Variants in TNFRSF9 observed in about 807,000 individuals in gnomAD.
TNFRSF9 encodes TNF receptor superfamily member 9, also known as tumor necrosis factor receptor superfamily member 9.
A neutral mutation model predicts 28.8 loss-of-function variants in TNFRSF9; 16 were observed. That is an observed-to-expected ratio of 0.55 (90% CI 0.38 to 0.84). TNFRSF9 has a LOEUF of 0.84. TNFRSF9 is among the 40% of genes least tolerant of loss of function. The probability of loss-of-function intolerance (pLI) is 0.00; values close to 1 mark genes in which losing one functional copy is unlikely to be tolerated. For missense variants in TNFRSF9, 303 were observed against 315.0 expected, an observed-to-expected ratio of 0.96 and a Z score of 0.29; for synonymous variants, 131 against 117.0, an observed-to-expected ratio of 1.12 and a Z score of -0.77.
At chr1:7,926,102 T>C (rs1639647242) in intron 7 of TNFRSF9, among the ~76,000 whole-genome samples, 1 of 152,206 alleles carries the variant, frequency 6.6e-6, no homozygotes, top group African/African-American at 2.4e-5. Flanking sequence ...GGTTTCACCA[T>C]GTTGGCCAGG....
At chr1:7,932,471 T>C (rs950930687) in intron 7 of TNFRSF9, among the ~76,000 whole-genome samples, 1 of 152,236 alleles carries the variant, frequency 6.6e-6, no homozygotes, top group African/African-American at 2.4e-5. Flanking sequence ...AAATTCATTA[T>C]TGAAATTTTT....
intron 6 of TNFRSF9, among the ~76,000 whole-genome samples, chr1:7,933,597 A>G (rs1041689739): frequency 2.2e-4 from 33 of 152,056 alleles, no homozygotes; most frequent in Admixed American, 1.9e-3. Context: ...TGGCAGGATG[A>G]GGCAGGAGAA....
Position 7,932,077 on chromosome 1 carries a change from C to T in TNFRSF9, c.679+1085G>A, listed in dbSNP as rs9657992. Among the ~76,000 whole-genome samples the T allele has an allele frequency of 2.0e-3, 299 of 152,152 alleles. 2 individuals are homozygous for T. The highest frequency in any genetic ancestry group is 6.7e-3 in the African/African-American group (278 of 41,492). ...GCTTGAACCCGGAAGGAGGAGGTTG[C>T]GGTAAGCCGGGATCACGCCATTGCA... On this transcript the variant is annotated intron_variant, in intron 7 of 7. Transcript: ENST00000377507.
intron 2 of TNFRSF9, among the ~76,000 whole-genome samples, chr1:7,939,090 C>T (rs1391411590): frequency 1.3e-5 from 2 of 152,044 alleles, no homozygotes; most frequent in Non-Finnish European, 2.9e-5. Context: ...GAGGCCGAAG[C>T]GGGCAGATCA....
chr1:7,935,642 A>G (rs566398176), intron 5 of TNFRSF9, among the ~76,000 whole-genome samples: 8 of 152,278 alleles, frequency 5.3e-5, no homozygotes, highest in African/African-American at 1.7e-4. Context: ...CCTGAGCAAC[A>G]TAGCAAGACC....
At chr1:7,933,627 G>A (rs554117143) in intron 6 of TNFRSF9, among the ~76,000 whole-genome samples, 12 of 151,962 alleles carry the variant, frequency 7.9e-5, no homozygotes, top group South Asian at 2.1e-4. Context: ...CCCGGGAGGC[G>A]GAGGTTGCAG....
chr1:7,937,133 G>A (rs1639826165), intron 5 of TNFRSF9, among the ~76,000 whole-genome samples: 1 of 152,216 alleles, frequency 6.6e-6, no homozygotes, highest in Non-Finnish European at 1.5e-5. Flanking sequence ...GGAATGAGAA[G>A]GAAACAGAAA....
chr1:7,920,679 A>G lies in TNFRSF9; in HGVS notation c.*156T>C. On this transcript the variant is annotated 3_prime_UTR_variant, in exon 8 of 8. Transcript: ENST00000377507. Reference sequence around the variant, plus strand: ...AAAAAAAAAAGTGGTGCATTTTTAAAGGCCAACTCATTGGCATTTAGAAAA... The same window carrying G: ...AAAAAAAAAAGTGGTGCATTTTTAAGGGCCAACTCATTGGCATTTAGAAAA... 1.6e-6 allele frequency: 1 copy of G among 627,888 alleles called. No homozygotes were observed. Among genetic ancestry groups the G allele is most frequent in the Middle Eastern group, 2.6e-4 (1 of 3,776 alleles). 38.9% of individuals were successfully genotyped at this position (627,888 alleles called of 1,614,324 possible).
chr1:7,935,790 G>A (rs537000864), intron 5 of TNFRSF9, among the ~76,000 whole-genome samples: 1 of 152,258 alleles, frequency 6.6e-6, no homozygotes, highest in South Asian at 2.1e-4. Context: ...CCAGGAGTTT[G>A]ACGCTGTCTC....
At chr1:7,929,369 G>A (rs1639700298) in intron 7 of TNFRSF9, among the ~76,000 whole-genome samples, 3 of 151,858 alleles carry the variant, frequency 2.0e-5, no homozygotes, top group African/African-American at 7.3e-5. Flanking sequence ...GTTTCACCAT[G>A]TTGGCCAGGC....
At position 7,916,061 on chromosome 1, in the gene TNFRSF9, C is replaced by G. The variant is rs2151407404; in HGVS notation, c.*4774G>C. On this transcript the variant is annotated 3_prime_UTR_variant, in exon 8 of 8. Coordinates refer to ENST00000377507, the MANE Select transcript of TNFRSF9 (RefSeq NM_001561.6). ...AACATCTTCCTGTGGGGGAAGATGC[C>G]CACTTTATAGTCATCCGCCCCTCAC... 1 of 152,040 alleles carries G rather than the reference C, an allele frequency of 6.6e-6. No homozygotes were observed. The highest frequency in any genetic ancestry group is 1.9e-4 in the East Asian group (1 of 5,152). 9.4% of individuals were successfully genotyped at this position (152,040 alleles called of 1,614,324 possible).
chr1:7,937,123 G>A (rs7545687), intron 5 of TNFRSF9, among the ~76,000 whole-genome samples: 22,738 of 152,180 alleles, frequency 0.15, 1,920 homozygotes, highest in Non-Finnish European at 0.16. Flanking sequence ...AGGCAGCAAA[G>A]GAATGAGAAG....
rs150479025 is a variant in TNFRSF9, at chr1:7,938,764, G to T, written c.165C>A (p.Ser55Arg). The T allele has an allele frequency of 1.1e-5, 18 of 1,613,582 alleles. No homozygotes were observed. The highest frequency in any genetic ancestry group is 1.0e-4 in the Admixed American group (6 of 59,980). ...CSPCPPNSFSSAGGQRTCDIC... is the reference protein window; with the variant it reads ...CSPCPPNSFSRAGGQRTCDIC... The stretch of plus-strand genomic sequence containing the variant: ...TGTCACAGGTCCTTTGTCCACCTGC[G>T]CTGGAGAAACTATTTGGAGGACAGG... The change falls in exon 3 of 8, where the codon AGC (serine) becomes AGA (arginine). Residue 55 changes from serine to arginine, a missense_variant. Coordinates refer to ENST00000377507, the MANE Select transcript of TNFRSF9 (RefSeq NM_001561.6).
Position 7,939,961 on chromosome 1 carries a change from G to A in TNFRSF9, c.34C>T (p.Leu12=). The A allele has an allele frequency of 1.9e-6, 3 of 1,605,044 alleles. No homozygotes were observed. The highest frequency in any genetic ancestry group is 2.6e-6 in the Non-Finnish European group (3 of 1,172,594). The change falls in exon 2 of 8, where the codon CTG becomes TTG. Residue 12 remains leucine, a synonymous_variant. Transcript: ENST00000377507. ...CTCTCAAAGTTGAGGACCAGCAACAGAGTGGCTACTATGTTGTAACAGCTG... is the reference window on the plus strand; with the variant it reads ...CTCTCAAAGTTGAGGACCAGCAACAAAGTGGCTACTATGTTGTAACAGCTG... The part of the protein sequence containing the change: ...GNSCYNIVAT[L]LLVLNFERTR...
chr1:7,918,656 T>G lies in TNFRSF9; in HGVS notation c.*2179A>C, dbSNP rs763572765. ...AGCTGGGACTACAGGCATGAGCCAC[T>G]GCACCCGGCCCCAAGTTTTTTTGCA... On this transcript the variant is annotated 3_prime_UTR_variant, in exon 8 of 8. Coordinates refer to ENST00000377507, the MANE Select transcript of TNFRSF9 (RefSeq NM_001561.6). 3 of 152,166 alleles carry G rather than the reference T, an allele frequency of 2.0e-5. No individual in the cohort carries two copies. The highest frequency in any genetic ancestry group is 4.4e-5 in the Non-Finnish European group (3 of 68,030). 9.4% of individuals were successfully genotyped at this position (152,166 alleles called of 1,614,324 possible).
rs115817116 is a variant in TNFRSF9, at chr1:7,934,432, C to T, written c.544+581G>A. ...AGAAAAGAAAATATGGGACCCTGGA[C>T]GGGCGTGGTGGCTCACACCTGTAAT... On this transcript the variant is annotated intron_variant, in intron 6 of 7. Coordinates refer to ENST00000377507, the MANE Select transcript of TNFRSF9 (RefSeq NM_001561.6). Among the ~76,000 whole-genome samples the T allele has an allele frequency of 5.2e-3, 783 of 150,840 alleles. 5 individuals are homozygous for T. Among genetic ancestry groups the T allele is most frequent in the African/African-American group, 0.018 (752 of 41,054 alleles).
intron 7 of TNFRSF9, among the ~76,000 whole-genome samples, chr1:7,931,231 C>T (rs1037919743): frequency 4.6e-5 from 7 of 152,210 alleles, no homozygotes; most frequent in African/African-American, 1.4e-4. Flanking sequence ...GACCAAGATA[C>T]ACATGTTCCT....
At chr1:7,937,669 A>T in intron 5 of TNFRSF9, 21 bp downstream of exon 5, 1 of 1,604,614 alleles carries the variant, frequency 6.2e-7, no homozygotes, top group Middle Eastern at 1.7e-4. Context: ...TATTCCATAA[A>T]CTAAAGGAAA....
chr1:7,937,750 T>C lies in TNFRSF9; in HGVS notation c.353A>G (p.Lys118Arg). The C allele has an allele frequency of 1.9e-6, 3 of 1,612,238 alleles. No homozygotes were observed. The highest frequency in any genetic ancestry group is 2.5e-6 in the Non-Finnish European group (3 of 1,178,624). The change falls in exon 5 of 8, where the codon AAA (lysine) becomes AGA (arginine). Residue 118 changes from lysine to arginine, a missense_variant. Physicochemically the swap from Lys to Arg is conservative, Grantham distance 26. Coordinates refer to ENST00000377507, the MANE Select transcript of TNFRSF9 (RefSeq NM_001561.6). The part of the protein sequence containing the change: ...QGQELTKKGC[K>R]DCCFGTFNDQ... ...GTTAAATGTCCCAAAGCAACAGTCT[T>C]TACAACCTTGTATTAAAAATGAAAG...
Sources: gnomAD v4.1 joint callset for allele counts (sites outside exome capture counted in the v4.1 genomes callset) on GRCh38, gnomAD v4.1.1 for gene constraint, MANE v1.5 for transcripts, NCBI Gene and HGNC (gene_info 2026-07-23, HGNC 2026-07-21) for gene names.